Variants in PKD1 observed in about 807,000 individuals in gnomAD.
PKD1 encodes polycystin-1.
Under a neutral mutation model 361.7 loss-of-function variants are expected in PKD1, and 81 were observed. That is an observed-to-expected ratio of 0.22 (90% CI 0.19 to 0.27). The LOEUF (loss-of-function observed/expected upper bound fraction) is 0.27, where lower values mean the gene tolerates loss of function less well. Ranked by LOEUF, PKD1 falls within the 10% of genes least tolerant of loss-of-function variation. The probability of loss-of-function intolerance (pLI) is 1.00; values close to 1 mark genes in which losing one functional copy is unlikely to be tolerated. For synonymous variants in PKD1, 3,615 were observed against 2,818.3 expected (o/e 1.28, Z -8.95); for missense variants, 6,399 against 6,118.3 (o/e 1.05, Z -1.53).
At chr16:2,096,423 G>A (rs566812480) in intron 34 of PKD1, among the ~76,000 whole-genome samples, 14 of 152,386 alleles carry the variant, frequency 9.2e-5, no homozygotes, top group South Asian at 2.1e-4. Context: ...CTCCGCCGCC[G>A]GCTGCCATGT....
rs777881528 is a variant in PKD1, at chr16:2,112,827, G to A, written c.3122C>T (p.Ala1041Val). 2.2e-5 allele frequency: 36 copies of A among 1,601,496 alleles called. No individual in the cohort carries two copies. The highest frequency in any genetic ancestry group is 3.3e-5 in the Admixed American group (2 of 59,990). ...LSPNATLALT[A>V]GVLVDSAVEV... ...CACGGCCGAGTCCACCAGCACGCCC[G>A]CCGTCAGTGCTAGCGTGGCATTGGG... Residue 1041 changes from alanine (A) to valine (V), a missense_variant, in exon 13 of 46, where the codon GCG (alanine) becomes GTG (valine). By Grantham distance (64) the Ala-to-Val change is moderately conservative. Coordinates refer to ENST00000262304, the MANE Select transcript of PKD1 (RefSeq NM_001009944.3).
intron 1 of PKD1, among the ~76,000 whole-genome samples, chr16:2,132,266 G>C (rs1327274851): frequency 1.4e-5 from 2 of 141,588 alleles, no homozygotes. Flanking sequence ...AAAAAAAAAA[G>C]TATATATTTT....
rs1420665040 is a variant in PKD1 at position 2,119,174 on chromosome 16, T to C, written c.299A>G (p.Asn100Ser). 1.3e-6 allele frequency: 2 copies of C among 1,533,860 alleles called. No individual in the cohort carries two copies. Among genetic ancestry groups the C allele is most frequent in the East Asian group, 2.3e-5 (1 of 44,136 alleles). The stretch of plus-strand genomic sequence containing the variant: ...TTCTTCTAACGTAGAAATCTTGTTG[T>C]TGCTTATATCCCTGGAAGAGACGGG... ...LSALAELDIS[N>S]NKISTLEEGI... The change falls in exon 3 of 46, where the codon AAC becomes AGC. Residue 100 changes from asparagine (N) to serine (S), a missense_variant. Coordinates refer to ENST00000262304, the MANE Select transcript of PKD1 (RefSeq NM_001009944.3).
At chr16:2,127,623 C>A (rs2092815681) in intron 1 of PKD1, among the ~76,000 whole-genome samples, 1 of 151,884 alleles carries the variant, frequency 6.6e-6, no homozygotes, top group African/African-American at 2.4e-5. Flanking sequence ...CCTGAGGGAA[C>A]CGACAGAGCT....
intron 1 of PKD1, among the ~76,000 whole-genome samples, chr16:2,132,847 C>A (rs1384639085): frequency 6.7e-6 from 1 of 148,584 alleles, no homozygotes; most frequent in Non-Finnish European, 1.5e-5. Flanking sequence ...TTTGGGAGGC[C>A]GAGGCGGGCG....
rs533703683 is a variant in PKD1 at position 2,109,526 on chromosome 16, G to A, written c.5641C>T (p.Leu1881Phe). The stretch of plus-strand genomic sequence containing the variant: ...CCCACGATGGGCTCCTCCGCCGTGA[G>A]GTTGTACGTGGCTGAGACCCAGCTG... ...AVSWVSATYNLTAEEPIVGLV... is the reference protein window; with the variant it reads ...AVSWVSATYNFTAEEPIVGLV... The change falls in exon 15 of 46, where the codon CTC becomes TTC. Residue 1881 changes from leucine to phenylalanine, a missense_variant. By Grantham distance (22) the Leu-to-Phe change is conservative (BLOSUM62 0). Coordinates refer to ENST00000262304, the MANE Select transcript of PKD1 (RefSeq NM_001009944.3). 3.1e-6 allele frequency: 5 copies of A among 1,611,062 alleles called. No homozygotes were observed. In the South Asian group the frequency reaches 3.3e-5, roughly 11 times the overall value.
Position 2,091,155 on chromosome 16 carries a change from G to C in PKD1, c.11732C>G (p.Ala3911Gly). 1 of 1,472,230 alleles carries C rather than the reference G, an allele frequency of 6.8e-7. No individual in the cohort carries two copies. Among genetic ancestry groups the C allele is most frequent in the South Asian group, 1.3e-5 (1 of 77,740 alleles). 91.2% of individuals were successfully genotyped at this position (1,472,230 alleles called of 1,614,324 possible). A position where few individuals can be genotyped will look rare whatever the true frequency, so the allele number is the denominator to read the frequency against. Residue 3911 changes from alanine to glycine, a missense_variant, in exon 43 of 46, where the codon GCC becomes GGC. Coordinates refer to ENST00000262304, the MANE Select transcript of PKD1 (RefSeq NM_001009944.3). ...LLTSVCLLLF[A>G]VHFAVAEART... ...GGCCTCGGCCACGGCGAAGTGCACG[G>C]CGAACAGCAGCAGGCACACCTGTGG... is the stretch of plus-strand genomic sequence containing the variant.
rs114523369 is a variant in PKD1 at position 2,094,136 on chromosome 16, C to A, written c.10574G>T (p.Gly3525Val). Residue 3525 changes from glycine (G) to valine (V), a missense_variant, in exon 35 of 46, where the codon GGC (glycine) becomes GTC (valine). By Grantham distance (109) the Gly-to-Val change is moderately radical. Transcript: ENST00000262304. ...TGCCTGGGGCTGTTCCCAGTTCAGGCCTGGGCTGGGTGGCCCCAGCTCCCC... is the reference window on the plus strand; with the variant it reads ...TGCCTGGGGCTGTTCCCAGTTCAGGACTGGGCTGGGTGGCCCCAGCTCCCC... ...RLGELGPPSP[G>V]LNWEQPQAAR... 2.9e-4 allele frequency: 458 copies of A among 1,597,210 alleles called. No individual in the cohort carries two copies. The highest frequency in any genetic ancestry group is 3.7e-4 in the Non-Finnish European group (437 of 1,172,006).
rs761726794 is a variant in PKD1 at position 2,105,336 on chromosome 16, G to C, written c.8002C>G (p.Leu2668Val). 2.1e-5 allele frequency: 34 copies of C among 1,593,728 alleles called. No homozygotes were observed. In the Middle Eastern group the frequency reaches 1.6e-3, roughly 74 times the overall value. Residue 2668 changes from leucine (L) to valine (V), a missense_variant, in exon 21 of 46, where the codon CTG becomes GTG. Physicochemically the swap from Leu to Val is conservative, Grantham distance 32. Transcript: ENST00000262304. ...GGCCATCCTACCATGCACTGGGCCA[G>C]CGCAGCAGCGATCTGCTGGATGTCA... ...VDDIQQIAAALAQCMGPSREL... is the reference protein window; with the variant it reads ...VDDIQQIAAAVAQCMGPSREL...
Position 2,097,149 on chromosome 16 carries a change from G to A in PKD1, c.10498C>T (p.Leu3500=), listed in dbSNP as rs868010813. ...CTCCCCCGAGAGCCGGACACTCACAGGCTGCTGAGCAGGTCCGTTTCCATG... is the reference window on the plus strand; with the variant it reads ...CTCCCCCGAGAGCCGGACACTCACAAGCTGCTGAGCAGGTCCGTTTCCATG... The part of the protein sequence containing the change: ...THMETDLLSS[L]SSTPGEKTET... The change falls in exon 34 of 46, where the codon CTG becomes TTG. Residue 3500 remains leucine, a splice_region_variant and synonymous_variant. Transcript: ENST00000262304. 1.3e-6 allele frequency: 2 copies of A among 1,507,600 alleles called. No individual in the cohort carries two copies. The highest frequency in any genetic ancestry group is 2.0e-5 in the Admixed American group (1 of 49,672). 93.4% of individuals were successfully genotyped at this position (1,507,600 alleles called of 1,614,324 possible). A position where few individuals can be genotyped will look rare whatever the true frequency, so the allele number is the denominator to read the frequency against.
chr16:2,117,315 C>G (rs2092654352), intron 6 of PKD1, among the ~76,000 whole-genome samples, 174 bp downstream of exon 6: 1 of 152,186 alleles, frequency 6.6e-6, no homozygotes. Flanking sequence ...CAGCTCATGT[C>G]CACCTCTGCA....
intron 16 of PKD1, chr16:2,107,182 C>T: frequency 3.4e-6 from 2 of 589,164 alleles, no homozygotes; most frequent in Non-Finnish European, 6.2e-6. Context: ...GTACTGGACC[C>T]AGCTGGACCC....
In PKD1 at chr16:2,092,559, C is replaced by T; in HGVS notation, c.11190G>A (p.Val3730=). Residue 3730 remains valine, a synonymous_variant, in exon 39 of 46, where the codon GTG becomes GTA. Transcript: ENST00000262304. ...GGTTCCCGTGGACGTAGGGCAGCAG[C>T]ACGTGGGCCATCCATGGCCAGAGCT... ...SEELWPWMAH[V]LLPYVHGNQS... 1 of 1,612,338 alleles carries T rather than the reference C, an allele frequency of 6.2e-7. No individual in the cohort carries two copies. Among genetic ancestry groups the T allele is most frequent in the Non-Finnish European group, 8.5e-7 (1 of 1,179,726 alleles).
rs2151801188 is a variant in PKD1 at position 2,111,677 on chromosome 16, C to T, written c.3490G>A (p.Gly1164Arg). 6.3e-7 allele frequency: 1 copy of T among 1,576,858 alleles called. No homozygotes were observed. The highest frequency in any genetic ancestry group is 8.6e-7 in the Non-Finnish European group (1 of 1,162,766). The change falls in exon 15 of 46, where the codon GGG becomes AGG. Residue 1164 changes from glycine (G) to arginine (R), a missense_variant. Physicochemically the swap from Gly to Arg is moderately radical, Grantham distance 125 (BLOSUM62 -2). Coordinates refer to ENST00000262304, the MANE Select transcript of PKD1 (RefSeq NM_001009944.3). ...TGGGTCAGGACAGGGGAGCCGTCCCCGAAGTCCCACGTGTAAAGAACACCC... is the reference window on the plus strand; with the variant it reads ...TGGGTCAGGACAGGGGAGCCGTCCCTGAAGTCCCACGTGTAAAGAACACCC... The part of the protein sequence containing the change: ...PGGVLYTWDF[G>R]DGSPVLTQSQ...
intron 6 of PKD1, 139 bp downstream of exon 6, chr16:2,117,350 C>T (rs1402793828): frequency 3.1e-6 from 2 of 653,834 alleles, no homozygotes; most frequent in African/African-American, 1.8e-5. Context: ...AGGAACGGCC[C>T]CACCGGCCGG....
Position 2,090,051 on chromosome 16 carries a change from C to G in PKD1, c.12588G>C (p.Gly4196=). ...CCAGCCGGCCCAGGCTCACGCTCAG[C>G]CCATCCAGCTGGCTGGAGGAGGTGG... ...HPSTSSSQLD[G]LSVSLGRLGT... is the part of the protein sequence containing the mutation. Residue 4196 remains glycine (G), a synonymous_variant, in exon 46 of 46, where the codon GGG becomes GGC. Transcript: ENST00000262304. The G allele has an allele frequency of 6.2e-7, 1 of 1,611,354 alleles. No homozygotes were observed. The highest frequency in any genetic ancestry group is 8.5e-7 in the Non-Finnish European group (1 of 1,179,216).
At chr16:2,130,418 G>C (rs2092858173) in intron 1 of PKD1, among the ~76,000 whole-genome samples, 1 of 152,186 alleles carries the variant, frequency 6.6e-6, no homozygotes, top group Non-Finnish European at 1.5e-5. Flanking sequence ...CCTGCACTGG[G>C]GGTCCTTCCA....
Position 2,116,096 on chromosome 16 carries a change from C to T in PKD1, c.1745G>A (p.Arg582His), listed in dbSNP as rs541222739. 5.4e-5 allele frequency: 84 copies of T among 1,546,552 alleles called. No homozygotes were observed. The African/African-American group carries it at 6.6e-4, about 12-fold the overall frequency. ...PVEVMVFPGLRLSREAFLTTA... is the reference protein window; with the variant it reads ...PVEVMVFPGLHLSREAFLTTA... ...GGTGAGGAAGGCTTCACGGCTCAGA[C>T]GCAGGCCCGGGAATACCATGACCTG... The change falls in exon 9 of 46, where the codon CGT becomes CAT. Residue 582 changes from arginine (R) to histidine (H), a missense_variant. Physicochemically the swap from Arg to His is conservative, Grantham distance 29. Coordinates refer to ENST00000262304, the MANE Select transcript of PKD1 (RefSeq NM_001009944.3).
intron 1 of PKD1, among the ~76,000 whole-genome samples, chr16:2,123,727 C>A (rs980185488): frequency 6.6e-6 from 1 of 152,150 alleles, no homozygotes; most frequent in Non-Finnish European, 1.5e-5. Flanking sequence ...GGCAAGAGCA[C>A]AGAGCAGAGT....
Sources: gnomAD v4.1 joint callset for allele counts (sites outside exome capture counted in the v4.1 genomes callset) on GRCh38, gnomAD v4.1.1 for gene constraint, MANE v1.5 for transcripts, NCBI Gene and HGNC (gene_info 2026-07-23, HGNC 2026-07-21) for gene names.